The following ZRANB1 variants were observed in gnomAD, a reference collection of about 807,000 sequenced individuals.
ZRANB1 encodes zinc finger RANBP2-type containing 1.
A neutral mutation model predicts 80.5 loss-of-function variants in ZRANB1; 16 were observed. The ratio of observed to expected loss-of-function variants is 0.20; its 90% confidence interval spans 0.13 to 0.30. The LOEUF is 0.30. Ranked by LOEUF, ZRANB1 falls within the 10% of genes least tolerant of loss-of-function variation. The probability of loss-of-function intolerance (pLI) is 1.00; values close to 1 mark genes in which losing one functional copy is unlikely to be tolerated. For synonymous variants in ZRANB1, 291 were observed against 293.1 expected (o/e 0.99, Z 0.07); for missense variants, 576 against 862.6 (o/e 0.67, Z 4.16).
At chr10:124,963,221 G>A (rs1395545986) in intron 1 of ZRANB1, among the ~76,000 whole-genome samples, 8 of 142,836 alleles carry the variant, frequency 5.6e-5, no homozygotes, top group Admixed American at 1.5e-4. Context: ...AGCTAAGATC[G>A]CGTCACTGCA....
chr10:124,917,489 C>T, the ZRANB1 span, among the ~76,000 whole-genome samples: 5 of 152,050 alleles, frequency 3.3e-5, no homozygotes, highest in South Asian at 1.0e-3. Context: ...TGTGGGAGGG[C>T]GGGTCCGCCC....
chr10:124,963,334 G>C (rs565016345), intron 1 of ZRANB1, among the ~76,000 whole-genome samples: 13 of 147,326 alleles, frequency 8.8e-5, no homozygotes, highest in Non-Finnish European at 1.9e-4. Context: ...CAGTAACCTA[G>C]AAAACATGTA....
Position 124,943,265 on chromosome 10 carries a change from A to C in ZRANB1, c.772A>C (p.Arg258=), listed in dbSNP as rs1204530800. ...TAAAAAACTAAAGCAAATTAAAAAC[A>C]GGATGAAAAAGACTGATTGGCTCTT... ...DFKKLKQIKN[R]MKKTDWLFLN... Residue 258 remains arginine (R), a synonymous_variant, in exon 1 of 9, where the codon AGG becomes CGG. Coordinates refer to ENST00000359653, the MANE Select transcript of ZRANB1 (RefSeq NM_017580.3). The C allele has an allele frequency of 6.2e-7, 1 of 1,614,142 alleles. No individual in the cohort carries two copies. The highest frequency in any genetic ancestry group is 1.7e-5 in the Admixed American group (1 of 60,008).
At chr10:124,917,837 C>G in the ZRANB1 span, among the ~76,000 whole-genome samples, 1 of 152,116 alleles carries the variant, frequency 6.6e-6, no homozygotes, top group African/African-American at 2.4e-5. Flanking sequence ...CCCTCCTGCT[C>G]GCAGTAACGA....
intron 1 of ZRANB1, among the ~76,000 whole-genome samples, chr10:124,960,521 T>A (rs562108727): frequency 2.6e-5 from 4 of 152,282 alleles, no homozygotes; most frequent in African/African-American, 9.6e-5. Context: ...AGCCTCGAAT[T>A]CCTGGGCTCA....
the ZRANB1 span, among the ~76,000 whole-genome samples, chr10:124,924,310 AAGC>A: frequency 2.5e-3 from 377 of 152,146 alleles, 4 homozygotes; most frequent in East Asian, 4.4e-3. Flanking sequence ...AAAAAAAAAA[AAGC>A]AGCTTCATTG....
At chr10:124,977,101 G>T (rs543777849) in intron 5 of ZRANB1, among the ~76,000 whole-genome samples, 2 of 151,810 alleles carry the variant, frequency 1.3e-5, no homozygotes, top group South Asian at 4.2e-4. Flanking sequence ...CCTATGAGTG[G>T]CTGGGACTGT....
the ZRANB1 span, among the ~76,000 whole-genome samples, chr10:124,931,963 T>C: frequency 1.3e-5 from 2 of 152,326 alleles, no homozygotes; most frequent in East Asian, 3.9e-4. Context: ...TCCTCTGTGC[T>C]CTTCCTATTC....
rs1297862643 is a variant in ZRANB1 at position 124,967,547 on chromosome 10, A to T, written c.1002+766A>T. On this transcript the variant is annotated intron_variant, in intron 2 of 8. Coordinates refer to ENST00000359653, the MANE Select transcript of ZRANB1 (RefSeq NM_017580.3). The stretch of plus-strand genomic sequence containing the variant: ...ACTGGATGGTGTTAGGTATGGGCGC[A>T]GGGGAGTGAGCAGAGCAGATTGTGT... Among the ~76,000 whole-genome samples, 3 of 152,188 alleles carry T rather than the reference A, an allele frequency of 2.0e-5. No individual in the cohort carries two copies. The South Asian group carries it at 6.2e-4, about 31-fold the overall frequency.
the ZRANB1 span, among the ~76,000 whole-genome samples, chr10:124,928,690 G>A: frequency 6.6e-6 from 1 of 152,192 alleles, no homozygotes; most frequent in African/African-American, 2.4e-5. Flanking sequence ...ACAAGACAAA[G>A]TCTTTGCTAA....
At chr10:124,967,654 G>GCAGAAGGGTAGCCATAGAAGGGTACC (rs1375571948) in intron 2 of ZRANB1, among the ~76,000 whole-genome samples, 2 of 152,132 alleles carry the variant, frequency 1.3e-5, no homozygotes, top group Admixed American at 6.5e-5. Flanking sequence ...TGCCAGAAGG[G>GCAGAAGGGTAGCCATAGAAGGGTACC]CAGAAGGGTA....
chr10:124,985,064 A>C lies in ZRANB1; in HGVS notation c.*72A>C. The C allele has an allele frequency of 8.1e-7, 1 of 1,237,932 alleles. No homozygotes were observed. 76.7% of individuals were successfully genotyped at this position (1,237,932 alleles called of 1,614,324 possible). A position where few individuals can be genotyped will look rare whatever the true frequency, so the allele number is the denominator to read the frequency against. ...ACCCTAAAGTTAGTGTGGTGCTCCA[A>C]GCAGAGTCGACATCATGGAATGAAC... is the stretch of plus-strand genomic sequence containing the variant. On this transcript the variant is annotated 3_prime_UTR_variant, in exon 9 of 9. Transcript: ENST00000359653.
intron 1 of ZRANB1, among the ~76,000 whole-genome samples, chr10:124,954,059 C>T (rs374886508): frequency 6.6e-6 from 1 of 151,124 alleles, no homozygotes; most frequent in East Asian, 1.9e-4. Flanking sequence ...CTCGAATGCC[C>T]AGGCTCAAGT....
the ZRANB1 span, among the ~76,000 whole-genome samples, chr10:124,933,549 C>T: frequency 1.3e-5 from 2 of 152,202 alleles, no homozygotes; most frequent in Non-Finnish European, 2.9e-5. Flanking sequence ...TGTTCCATTT[C>T]CATACATGTT....
chr10:124,953,070 G>A (rs1295495751), intron 1 of ZRANB1, among the ~76,000 whole-genome samples: 3 of 148,900 alleles, frequency 2.0e-5, no homozygotes, highest in Non-Finnish European at 3.0e-5. Context: ...GATTACAGGT[G>A]CACACCACTG....
At chr10:124,936,568 G>A in the ZRANB1 span, among the ~76,000 whole-genome samples, 4 of 152,248 alleles carry the variant, frequency 2.6e-5, no homozygotes, top group South Asian at 8.3e-4. Context: ...TAGATAAAGG[G>A]TTTTACCATA....
chr10:124,947,133 A>T (rs929133022), intron 1 of ZRANB1, among the ~76,000 whole-genome samples: 1 of 152,206 alleles, frequency 6.6e-6, no homozygotes. Flanking sequence ...TAAGTTTCAC[A>T]TAAGTCATAT....
At chr10:124,978,005 T>G (rs1951894613) in intron 5 of ZRANB1, among the ~76,000 whole-genome samples, 1 of 152,130 alleles carries the variant, frequency 6.6e-6, no homozygotes, top group Non-Finnish European at 1.5e-5. Flanking sequence ...GGTTTACAGT[T>G]CAGGCATAGG....
At chr10:124,926,662 A>G in the ZRANB1 span, among the ~76,000 whole-genome samples, 1 of 152,200 alleles carries the variant, frequency 6.6e-6, no homozygotes, top group Non-Finnish European at 1.5e-5. Context: ...ACATTGTAAA[A>G]TGACAATAAA....
Sources: gnomAD v4.1 joint callset for allele counts (sites outside exome capture counted in the v4.1 genomes callset) on GRCh38, gnomAD v4.1.1 for gene constraint, MANE v1.5 for transcripts, NCBI Gene and HGNC (gene_info 2026-07-23, HGNC 2026-07-21) for gene names.